The following ANKRD36C variants were observed in gnomAD, a reference collection of about 807,000 sequenced individuals.
ANKRD36C encodes the protein ankyrin repeat domain-containing protein 36C.
ANKRD36C carries 61 observed loss-of-function variants against 276.4 expected under a neutral mutation model. That is an observed-to-expected ratio of 0.22 (90% CI 0.18 to 0.27). ANKRD36C has a LOEUF of 0.27. Among genes scored for constraint, ANKRD36C ranks in the 10% least tolerant of loss-of-function variants. ANKRD36C has a pLI of 1.00. For synonymous variants in ANKRD36C, 483 were observed against 680.1 expected, an observed-to-expected ratio of 0.71 and a Z score of 4.51; for missense variants, 1,447 against 2,032.3, an observed-to-expected ratio of 0.71 and a Z score of 5.54.
chr2:95,888,130 A>G lies in ANKRD36C; in HGVS notation c.2960-10T>C. The G allele has an allele frequency of 6.2e-7, 1 of 1,608,542 alleles. No homozygotes were observed. The highest frequency in any genetic ancestry group is 2.2e-5 in the East Asian group (1 of 44,758). ...TGTTTCTGAGAAGACACTGAAAAGC[A>G]AAAGGGATACATAATCACTCATATG... On this transcript the variant is annotated splice_polypyrimidine_tract_variant and intron_variant, in intron 48 of 66. Coordinates refer to ENST00000456556, the Ensembl canonical transcript of ANKRD36C.
intron 40 of ANKRD36C, among the ~76,000 whole-genome samples, chr2:95,912,915 T>G (rs1020339155): frequency 1.7e-4 from 26 of 151,432 alleles, no homozygotes; most frequent in African/African-American, 6.0e-4. Flanking sequence ...GACACTTCAG[T>G]TGAATGTACA....
chr2:95,889,412 T>C (rs563248183), intron 48 of ANKRD36C, among the ~76,000 whole-genome samples: 2 of 151,760 alleles, frequency 1.3e-5, no homozygotes, highest in South Asian at 4.1e-4. Flanking sequence ...TTTGTGGTAT[T>C]AGGATCACTT....
chr2:95,924,444 C>T (rs570257406), intron 30 of ANKRD36C, among the ~76,000 whole-genome samples: 26 of 151,628 alleles, frequency 1.7e-4, no homozygotes, highest in East Asian at 1.2e-3. Context: ...TAAACTTTTA[C>T]GTTTGGATAT....
chr2:95,892,595 C>T (rs548217549), intron 44 of ANKRD36C, among the ~76,000 whole-genome samples: 11 of 151,602 alleles, frequency 7.3e-5, no homozygotes, highest in African/African-American at 2.4e-4. Flanking sequence ...CAAAGTAAAG[C>T]TGCTACAAGC....
intron 60 of ANKRD36C, among the ~76,000 whole-genome samples, chr2:95,863,718 A>G (rs987893394): frequency 5.3e-5 from 8 of 152,170 alleles, no homozygotes; most frequent in Non-Finnish European, 8.8e-5. Context: ...GCATATTACC[A>G]AGTGACATAA....
At chr2:95,878,965 C>T (rs1374875464) in intron 58 of ANKRD36C, among the ~76,000 whole-genome samples, 30 of 152,276 alleles carry the variant, frequency 2.0e-4, no homozygotes, top group African/African-American at 7.0e-4. Context: ...TAGGTAACTA[C>T]TCAAAAGCAA....
chr2:95,890,624 T>C (rs574758595), intron 46 of ANKRD36C, among the ~76,000 whole-genome samples: 1 of 151,670 alleles, frequency 6.6e-6, no homozygotes, highest in South Asian at 2.1e-4. Flanking sequence ...TATAGACTTC[T>C]GAAAGTTTCT....
intron 24 of ANKRD36C, among the ~76,000 whole-genome samples, chr2:95,932,880 G>C (rs1291020758): frequency 1.3e-5 from 2 of 152,136 alleles, no homozygotes. Flanking sequence ...GTATTGCCTA[G>C]ATTTTCTTCT....
chr2:95,991,474 G>A (rs987701539), intron 1 of ANKRD36C, 38 bp downstream of exon 1: 1 of 1,494,204 alleles, frequency 6.7e-7, no homozygotes, highest in Non-Finnish European at 9.0e-7. Context: ...CACATCCACA[G>A]GCCTCCTCCC....
rs552993313 is a variant in ANKRD36C, at chr2:95,927,815, G to A, written c.1838-406C>T. ...GGATTTACACCATTATACTACAAAC[G>A]TTCATCATGCCCTTTAACTTGCCCA... On this transcript the variant is annotated intron_variant, in intron 26 of 66. Transcript: ENST00000456556. Among the ~76,000 whole-genome samples the A allele has an allele frequency of 3.3e-5, 5 of 151,608 alleles. No homozygotes were observed. The East Asian group carries it at 9.7e-4, about 30-fold the overall frequency.
rs545455796 is a variant in ANKRD36C, at chr2:95,914,429, A to G, written c.2450-126T>C. 2.9e-4 allele frequency: 359 copies of G among 1,248,526 alleles called. 3 individuals carry two copies. In the East Asian group the frequency reaches 8.5e-3, roughly 29 times the overall value. 77.3% of individuals were successfully genotyped at this position (1,248,526 alleles called of 1,614,324 possible). ...ATTAGCGTAGTCTTTGATGGCTTCTACTTTGTGTCTGGGGACTAGAACATG... is the reference window on the plus strand; with the variant it reads ...ATTAGCGTAGTCTTTGATGGCTTCTGCTTTGTGTCTGGGGACTAGAACATG... On this transcript the variant is annotated intron_variant, in intron 38 of 66. Coordinates refer to ENST00000456556, the Ensembl canonical transcript of ANKRD36C.
intron 24 of ANKRD36C, among the ~76,000 whole-genome samples, chr2:95,930,870 T>C (rs1201947891): frequency 6.6e-6 from 1 of 151,460 alleles, no homozygotes; most frequent in Non-Finnish European, 1.5e-5. Flanking sequence ...GCATGTATCA[T>C]TGATGTGCAA....
downstream of ANKRD36C, among the ~76,000 whole-genome samples, chr2:95,850,109 A>G: frequency 6.6e-6 from 1 of 152,300 alleles, no homozygotes; most frequent in Non-Finnish European, 1.5e-5. Context: ...AAAAATATGT[A>G]CAATATGCAA....
intron 42 of ANKRD36C, 57 bp from the exon 45 acceptor site, chr2:95,910,625 T>C (rs1272987455): frequency 3.1e-6 from 5 of 1,600,154 alleles, no homozygotes; most frequent in East Asian, 2.3e-5. Context: ...AAGATATCCA[T>C]ACATTCATGC....
chr2:95,885,975 G>A (rs1215536251), intron 52 of ANKRD36C, 73 bp downstream of exon 72: 18 of 1,561,430 alleles, frequency 1.2e-5, no homozygotes, highest in African/African-American at 2.7e-5. Context: ...TGAACCCCCC[G>A]CTGATTTATT....
chr2:95,882,469 C>T, exon 55 of ANKRD36C: 2 of 1,550,928 alleles, frequency 1.3e-6, no homozygotes, highest in Non-Finnish European at 1.7e-6. Context: ...GAGTAACTAC[C>T]TTCTGGGCCG....
At chr2:95,940,400 G>GT (rs1677844415) in intron 20 of ANKRD36C, among the ~76,000 whole-genome samples, 1 of 141,464 alleles carries the variant, frequency 7.1e-6, no homozygotes, top group African/African-American at 2.5e-5. Context: ...TAAATTTCTC[G>GT]TTTGTTTTTT....
At chr2:95,965,391 A>G (rs1678567760) in intron 6 of ANKRD36C, among the ~76,000 whole-genome samples, 1 of 152,060 alleles carries the variant, frequency 6.6e-6, no homozygotes, top group Admixed American at 6.6e-5. Flanking sequence ...AACATTCATG[A>G]GGGGGAGCCA....
intron 27 of ANKRD36C, 33 bp downstream of exon 27, chr2:95,927,348 A>G: frequency 6.2e-7 from 1 of 1,607,318 alleles, no homozygotes; most frequent in South Asian, 1.1e-5. Context: ...CTATACAGTT[A>G]ATAGTTCAAC....
Sources: allele counts gnomAD v4.1 joint callset (sites outside exome capture counted in the v4.1 genomes callset), GRCh38; gene constraint gnomAD v4.1.1; transcripts MANE v1.5; gene names NCBI Gene and HGNC (gene_info 2026-07-23, HGNC 2026-07-21).